Variants in MYH11 observed in about 807,000 individuals in gnomAD.
MYH11 encodes the protein myosin-11.
In MYH11, 80 loss-of-function variants were observed where a neutral mutation model predicts 246.6. The ratio of observed to expected loss-of-function variants is 0.32; its 90% confidence interval spans 0.27 to 0.39. The LOEUF (loss-of-function observed/expected upper bound fraction) is 0.39. Ranked by LOEUF, MYH11 falls within the 10% of genes least tolerant of loss-of-function variation. The pLI, the probability that MYH11 is intolerant of heterozygous loss-of-function variation, is 1.00. For missense variants in MYH11, 2,158 were observed against 2,546.8 expected, an observed-to-expected ratio of 0.85 and a Z score of 3.29; for synonymous variants, 1,071 against 1,015.5, an observed-to-expected ratio of 1.05 and a Z score of -1.04.
intron 27 of MYH11, among the ~76,000 whole-genome samples, chr16:15,730,726 G>T (rs2040935770): frequency 2.0e-5 from 3 of 152,110 alleles, no homozygotes; most frequent in African/African-American, 2.4e-5. Flanking sequence ...AACGCTGAGG[G>T]TAATGTAACT....
Position 15,747,430 on chromosome 16 carries a change from C to G in MYH11, c.2411+140G>C, listed in dbSNP as rs776744672. On this transcript the variant is annotated intron_variant, in intron 19 of 40. Transcript: ENST00000300036. Reference sequence around the variant, plus strand: ...ACATTTATTTAAAGTAGAAGCATTTCTTCCCCTTCAAGAAAAGGCTGTCAT... The same window carrying G: ...ACATTTATTTAAAGTAGAAGCATTTGTTCCCCTTCAAGAAAAGGCTGTCAT... 1.2e-4 allele frequency: 123 copies of G among 1,036,200 alleles called. 1 individual carries two copies. The highest frequency in any genetic ancestry group is 8.0e-5 in the Non-Finnish European group (54 of 679,198). The allele number at this position is 1,036,200 out of a possible 1,614,324, so 64.2% of individuals were successfully genotyped here. A position where few individuals can be genotyped will look rare whatever the true frequency, so the allele number is the denominator to read the frequency against.
At chr16:15,780,312 A>G (rs1484375689) in intron 6 of MYH11, among the ~76,000 whole-genome samples, 2 of 151,680 alleles carry the variant, frequency 1.3e-5, no homozygotes, top group Admixed American at 6.6e-5. Context: ...GGGGCCAAGG[A>G]TATTTTGGGA....
rs572656106 is a variant in MYH11, at chr16:15,777,544, G to A, written c.790+1236C>T. On this transcript the variant is annotated intron_variant, in intron 7 of 40. Coordinates refer to ENST00000300036, the MANE Select transcript of MYH11 (RefSeq NM_002474.3). Reference sequence around the variant, plus strand: ...AAGGACGGGGCTATGCCTGGGGCTCGCTCTAAACACAGGAAATGAATTGCT... The same window carrying A: ...AAGGACGGGGCTATGCCTGGGGCTCACTCTAAACACAGGAAATGAATTGCT... 3.9e-5 allele frequency among the ~76,000 whole-genome samples: 6 copies of A among 152,232 alleles called. No homozygotes were observed. In the South Asian group the frequency reaches 6.2e-4, roughly 16 times the overall value.
chr16:15,845,707 TGAGAGAGAGAGAGAGAAAAAGAAG>T (rs897585241), intron 1 of MYH11, among the ~76,000 whole-genome samples: 8 of 103,346 alleles, frequency 7.7e-5, no homozygotes, highest in African/African-American at 2.1e-4. Flanking sequence ...TGTGTGTGTG[TGAGAGAGAGAGAGAGAAAAAGAAG>T]GAGAGAGAGA....
Position 15,704,020 on chromosome 16 carries a change from C to T in MYH11, c.5890G>A (p.Asp1964Asn). 7 of 1,614,048 alleles carry T rather than the reference C, an allele frequency of 4.3e-6. No individual in the cohort carries two copies. The highest frequency in any genetic ancestry group is 5.9e-6 in the Non-Finnish European group (7 of 1,180,022). ...SEEETDTRDA[D>N]FNGTKASE is the part of the protein sequence containing the mutation. ...TCACTGGCCTTGGTTCCATTGAAGT[C>T]TGCGTCTCGAGTGTCCGTTTCCTCC... The change falls in exon 41 of 41, where the codon GAC becomes AAC. Residue 1964 changes from aspartate (D) to asparagine (N), a missense_variant. Asp to Asn is a conservative substitution (Grantham distance 23). Coordinates refer to ENST00000300036, the MANE Select transcript of MYH11 (RefSeq NM_002474.3).
rs1005039470 is a variant in MYH11 at position 15,724,395 on chromosome 16, C to A, written c.4131G>T (p.Lys1377Asn). 2 of 1,613,890 alleles carry A rather than the reference C, an allele frequency of 1.2e-6. No individual in the cohort carries two copies. The highest frequency in any genetic ancestry group is 2.7e-5 in the African/African-American group (2 of 74,902). The change falls in exon 31 of 41, where the codon AAG (lysine) becomes AAT (asparagine). Residue 1377 changes from lysine to asparagine, a missense_variant. Around this residue, in one of 11 missense-constraint regions of MYH11, gnomAD observed 1,013 missense variants for 993.5 expected, o/e 1.02. Transcript: ENST00000300036. ...STLNIQLSDS[K>N]KKLQDFASTV... ...TGCTGGCAAAGTCCTGCAGCTTCTTCTTCGAGTCGGAGAGCTACAAGGACA... is the reference window on the plus strand; with the variant it reads ...TGCTGGCAAAGTCCTGCAGCTTCTTATTCGAGTCGGAGAGCTACAAGGACA...
intron 3 of MYH11, among the ~76,000 whole-genome samples, chr16:15,801,003 C>T (rs2042872206): frequency 6.6e-6 from 1 of 151,932 alleles, no homozygotes; most frequent in Non-Finnish European, 1.5e-5. Context: ...TTCAGGAGTT[C>T]CAGACCAGCC....
At chr16:15,782,324 GC>G in intron 6 of MYH11, 60 bp downstream of exon 6, 1 of 1,441,516 alleles carries the variant, frequency 6.9e-7, no homozygotes, top group South Asian at 1.1e-5. Context: ...ACACTCTGCA[GC>G]CCCAGGCAGG....
chr16:15,844,867 A>G (rs1480502756), intron 1 of MYH11, among the ~76,000 whole-genome samples: 1 of 152,182 alleles, frequency 6.6e-6, no homozygotes, highest in Non-Finnish European at 1.5e-5. Flanking sequence ...AGAAAGCCAC[A>G]GAGAACGAGA....
At chr16:15,807,921 T>G (rs1109418) in intron 3 of MYH11, among the ~76,000 whole-genome samples, 81,578 of 152,084 alleles carry the variant, frequency 0.54, 24,549 homozygotes, top group African/African-American at 0.83. Flanking sequence ...GTGGATTCTG[T>G]CTGGGAAGCC....
chr16:15,732,060 C>G (rs753367648), intron 27 of MYH11, among the ~76,000 whole-genome samples: 1 of 152,104 alleles, frequency 6.6e-6, no homozygotes, highest in Non-Finnish European at 1.5e-5. Context: ...CTCCTGGGTT[C>G]AAGTGATTCT....
intron 3 of MYH11, among the ~76,000 whole-genome samples, chr16:15,820,960 C>T (rs762927951): frequency 5.9e-5 from 9 of 152,198 alleles, no homozygotes; most frequent in Non-Finnish European, 1.0e-4. Context: ...GCAACCTCCA[C>T]TTCCTGGTCT....
chr16:15,798,716 A>G (rs2151322487), intron 3 of MYH11, 29 bp from the exon 4 acceptor site: 2 of 1,611,972 alleles, frequency 1.2e-6, no homozygotes, highest in South Asian at 1.1e-5. Flanking sequence ...AAAAAGAGCC[A>G]TGAATTAAAA....
intron 14 of MYH11, among the ~76,000 whole-genome samples, chr16:15,754,318 A>T (rs2041655901): frequency 6.6e-6 from 1 of 152,230 alleles, no homozygotes; most frequent in Non-Finnish European, 1.5e-5. Context: ...GGATATACAG[A>T]AAAAGGACAT....
intron 25 of MYH11, among the ~76,000 whole-genome samples, chr16:15,736,531 G>A (rs1043807730): frequency 6.6e-6 from 1 of 152,120 alleles, no homozygotes; most frequent in Non-Finnish European, 1.5e-5. Flanking sequence ...CCCCCACCTC[G>A]GCTTCCCAAA....
At chr16:15,740,566 G>A (rs1479018698) in intron 22 of MYH11, among the ~76,000 whole-genome samples, 4 of 150,022 alleles carry the variant, frequency 2.7e-5, no homozygotes, top group African/African-American at 7.4e-5. Context: ...AGCTGAGATC[G>A]CACCATCGCA....
chr16:15,727,192 G>A (rs1415452458), intron 27 of MYH11, 138 bp from the exon 28 acceptor site: 7 of 763,558 alleles, frequency 9.2e-6, no homozygotes, highest in Non-Finnish European at 1.5e-5. Context: ...AGAGATTTGG[G>A]GTTTTTTTGT....
At chr16:15,796,028 A>G (rs1264613053) in intron 4 of MYH11, among the ~76,000 whole-genome samples, 1 of 152,172 alleles carries the variant, frequency 6.6e-6, no homozygotes. Context: ...GAAGGAAGCA[A>G]GCAAGCAATG....
In MYH11 at chr16:15,838,154, C is replaced by G. The variant is rs886038944; in HGVS notation, c.99G>C (p.Lys33Asn). The change falls in exon 2 of 41, where the codon AAG (lysine) becomes AAC (asparagine). Residue 33 changes from lysine (K) to asparagine (N), a missense_variant. Lys to Asn is a moderately conservative substitution (Grantham distance 94). Coordinates refer to ENST00000300036, the MANE Select transcript of MYH11 (RefSeq NM_002474.3). ...TCTCCGAGGGGACCCAGACGAGTCT[C>G]TTGGCGGCCCAGTCAGCCTGGGCCA... is the stretch of plus-strand genomic sequence containing the variant. ...SPVAQADWAAKRLVWVPSEKQ... is the reference protein window; with the variant it reads ...SPVAQADWAANRLVWVPSEKQ... The G allele has an allele frequency of 1.2e-6, 2 of 1,614,106 alleles. No homozygotes were observed. Among genetic ancestry groups the G allele is most frequent in the Non-Finnish European group, 1.7e-6 (2 of 1,179,986 alleles).
Sources: allele counts gnomAD v4.1 joint callset (sites outside exome capture counted in the v4.1 genomes callset), GRCh38; gene constraint gnomAD v4.1.1; regional missense constraint gnomAD v4.1.1; transcripts MANE v1.5; gene names NCBI Gene and HGNC (gene_info 2026-07-23, HGNC 2026-07-21).